The following ST7 variants were observed in gnomAD, a reference collection of about 807,000 sequenced individuals.
ST7 encodes suppression of tumorigenicity 7.
A neutral mutation model predicts 78.7 loss-of-function variants in ST7; 28 were observed. The observed-to-expected ratio is 0.36, with a 90% CI of 0.26 to 0.49. The LOEUF is 0.49. Among genes scored for constraint, ST7 ranks in the 20% least tolerant of loss-of-function variants. The pLI, the probability that ST7 is intolerant of heterozygous loss-of-function variation, is 0.99. For missense variants in ST7, 418 were observed against 696.0 expected (o/e 0.60, Z 4.49); for synonymous variants, 247 against 249.6 (o/e 0.99, Z 0.10).
chr7:117,060,974 C>G (rs187308994), intron 1 of ST7, among the ~76,000 whole-genome samples: 27 of 152,218 alleles, frequency 1.8e-4, no homozygotes, highest in African/African-American at 6.3e-4. Context: ...CCACTGCACT[C>G]CAGCCTGGGC....
At chr7:117,225,075 T>C (rs892836713) in intron 15 of ST7, among the ~76,000 whole-genome samples, 3 of 152,156 alleles carry the variant, frequency 2.0e-5, no homozygotes, top group African/African-American at 7.2e-5. Flanking sequence ...AATAATTGCC[T>C]GAGCCTGCTT....
intron 9 of ST7, among the ~76,000 whole-genome samples, chr7:117,167,366 G>A (rs923601908): frequency 6.6e-5 from 10 of 151,746 alleles, no homozygotes; most frequent in African/African-American, 2.4e-5. Context: ...ATCAACTCTC[G>A]GGGGTTGCAG....
At chr7:117,107,856 C>G (rs572787266) in intron 2 of ST7, among the ~76,000 whole-genome samples, 3 of 151,944 alleles carry the variant, frequency 2.0e-5, no homozygotes, top group East Asian at 3.9e-4. Flanking sequence ...CTCAGGTGAC[C>G]CACCTGCCTC....
chr7:117,202,602 T>C (rs1810982446), intron 12 of ST7, among the ~76,000 whole-genome samples: 1 of 152,158 alleles, frequency 6.6e-6, no homozygotes, highest in Non-Finnish European at 1.5e-5. Flanking sequence ...ACCCCGCAAT[T>C]TTGTCCCCAT....
intron 1 of ST7, among the ~76,000 whole-genome samples, chr7:117,024,738 C>T (rs1405001727): frequency 2.6e-5 from 4 of 152,160 alleles, no homozygotes; most frequent in Non-Finnish European, 4.4e-5. Context: ...ATGGCTGTGT[C>T]AGGGGATCAG....
intron 1 of ST7, among the ~76,000 whole-genome samples, chr7:117,049,687 T>G (rs1178365881): frequency 6.6e-6 from 1 of 152,184 alleles, no homozygotes; most frequent in Non-Finnish European, 1.5e-5. Flanking sequence ...ATGAATTTTG[T>G]TTTCTTTGTT....
intron 1 of ST7, among the ~76,000 whole-genome samples, chr7:117,039,538 A>G (rs1797094810): frequency 6.6e-6 from 1 of 151,954 alleles, no homozygotes; most frequent in Non-Finnish European, 1.5e-5. Flanking sequence ...GGCATCACTG[A>G]ACTCCAGCCT....
intron 1 of ST7, among the ~76,000 whole-genome samples, chr7:117,033,718 C>T (rs748821209): frequency 2.0e-5 from 3 of 152,130 alleles, no homozygotes; most frequent in Admixed American, 6.5e-5. Flanking sequence ...GCCAGCACGC[C>T]GAGCCTCATC....
In ST7 at chr7:117,216,129, A is replaced by T. The variant is rs139206354; in HGVS notation, c.1406-2955A>T. ...TCTCTGACGGGAACAGCACTGATAGACTTGGAACCTAGAAAATGTGTCTGG... is the reference window on the plus strand; with the variant it reads ...TCTCTGACGGGAACAGCACTGATAGTCTTGGAACCTAGAAAATGTGTCTGG... On this transcript the variant is annotated intron_variant, in intron 13 of 15. Transcript: ENST00000323984. Among the ~76,000 whole-genome samples the T allele has an allele frequency of 4.2e-3, 632 of 152,212 alleles. 8 individuals carry two copies. Among genetic ancestry groups the T allele is most frequent in the African/African-American group, 0.014 (600 of 41,502 alleles).
At position 117,202,332 on chromosome 7, in the gene ST7, T is replaced by C. The variant is rs1358939599; in HGVS notation, c.1255-7455T>C. Among the ~76,000 whole-genome samples, 4 of 152,234 alleles carry C rather than the reference T, an allele frequency of 2.6e-5. No individual in the cohort carries two copies. The East Asian group carries it at 5.8e-4, about 22-fold the overall frequency. On this transcript the variant is annotated intron_variant, in intron 12 of 15. Coordinates refer to ENST00000323984, the MANE Select transcript of ST7 (RefSeq NM_001369598.1). ...CCATCTCTGGCCCAGAACACCCACA[T>C]TTGTGTCTCCAGATTCTCTCCTAAG...
At chr7:117,208,997 T>C (rs1792054777) in intron 12 of ST7, among the ~76,000 whole-genome samples, 1 of 151,332 alleles carries the variant, frequency 6.6e-6, no homozygotes, top group South Asian at 2.1e-4. Context: ...AGGTTAACAT[T>C]TGCAATTATA....
intron 1 of ST7, among the ~76,000 whole-genome samples, chr7:117,083,018 A>G (rs1799899251): frequency 6.6e-6 from 1 of 152,084 alleles, no homozygotes; most frequent in Non-Finnish European, 1.5e-5. Flanking sequence ...TCAACTATTG[A>G]ACACCTTCCA....
intron 13 of ST7, among the ~76,000 whole-genome samples, chr7:117,210,528 T>C (rs73714395): frequency 0.053 from 7,997 of 152,132 alleles, 708 homozygotes; most frequent in African/African-American, 0.18. Flanking sequence ...GTAAGGAGAA[T>C]AGGCTGTAAT....
At position 117,062,918 on chromosome 7, in the gene ST7, A is replaced by T. The variant is rs1008657648; in HGVS notation, c.152-36844A>T. Among the ~76,000 whole-genome samples, 167 of 152,320 alleles carry T rather than the reference A, an allele frequency of 1.1e-3. 1 individual carries two copies. The highest frequency in any genetic ancestry group is 0.011 in the Admixed American group (165 of 15,298). ...TGCCTTAATCCCCCTACATAGTCAGATACAGTGGAGCATAGGATGCTGGAA... is the reference window on the plus strand; with the variant it reads ...TGCCTTAATCCCCCTACATAGTCAGTTACAGTGGAGCATAGGATGCTGGAA... On this transcript the variant is annotated intron_variant, in intron 1 of 15. Coordinates refer to ENST00000323984, the MANE Select transcript of ST7 (RefSeq NM_001369598.1).
intron 2 of ST7, among the ~76,000 whole-genome samples, chr7:117,109,868 G>A (rs1210145565): frequency 6.6e-6 from 1 of 152,124 alleles, no homozygotes; most frequent in Non-Finnish European, 1.5e-5. Context: ...TTCATACCAG[G>A]GATGCAGGGA....
chr7:117,092,830 C>A (rs1800735912), intron 1 of ST7, among the ~76,000 whole-genome samples: 1 of 152,206 alleles, frequency 6.6e-6, no homozygotes, highest in African/African-American at 2.4e-5. Context: ...TTGACAATTT[C>A]TTAATCCACC....
chr7:117,105,720 T>C (rs1782103986), intron 2 of ST7, among the ~76,000 whole-genome samples: 1 of 152,240 alleles, frequency 6.6e-6, no homozygotes, highest in African/African-American at 2.4e-5. Context: ...TGAATGTTCC[T>C]GGCACAAAGA....
At chr7:116,969,017 TG>T (rs1793282149) in intron 1 of ST7, among the ~76,000 whole-genome samples, 1 of 152,246 alleles carries the variant, frequency 6.6e-6, no homozygotes, top group Non-Finnish European at 1.5e-5. Flanking sequence ...ATAATAATAG[TG>T]GGGTGACCCA....
At chr7:117,177,235 A>G (rs1441876013) in intron 10 of ST7, among the ~76,000 whole-genome samples, 1 of 152,238 alleles carries the variant, frequency 6.6e-6, no homozygotes, top group Non-Finnish European at 1.5e-5. Context: ...GATGAACTAT[A>G]TATTGCATTG....
Sources: allele counts gnomAD v4.1 joint callset (sites outside exome capture counted in the v4.1 genomes callset), GRCh38; gene constraint gnomAD v4.1.1; transcripts MANE v1.5; gene names NCBI Gene and HGNC (gene_info 2026-07-23, HGNC 2026-07-21).